SPRED2: variants seen among roughly 807,000 people sequenced by gnomAD.
SPRED2 encodes sprouty-related, EVH1 domain-containing protein 2.
In SPRED2, 47 loss-of-function variants were observed where a neutral mutation model predicts 43.0. That is an observed-to-expected ratio of 1.09 (90% CI 0.87 to 1.40). The LOEUF (loss-of-function observed/expected upper bound fraction) is 1.40, where lower values mean the gene tolerates loss of function less well. Ranked by LOEUF, SPRED2 falls within the 40% of genes most tolerant of loss-of-function variation. The probability of loss-of-function intolerance (pLI) is 0.00; values close to 1 mark genes in which losing one functional copy is unlikely to be tolerated. For synonymous variants in SPRED2, 225 were observed against 225.7 expected, an observed-to-expected ratio of 1.00 and a Z score of 0.03; for missense variants, 561 against 586.4, an observed-to-expected ratio of 0.96 and a Z score of 0.45.
At position 65,345,267 on chromosome 2, in the gene SPRED2, T is replaced by G. The variant is rs534272621; in HGVS notation, c.27-371A>C. Among the ~76,000 whole-genome samples the G allele has an allele frequency of 4.4e-4, 64 of 146,746 alleles. 2 individuals are homozygous for G. The South Asian group carries it at 0.012, about 28-fold the overall frequency. On this transcript the variant is annotated intron_variant, in intron 1 of 5. Coordinates refer to ENST00000356388, the MANE Select transcript of SPRED2 (RefSeq NM_181784.3). ...TTTGGTTTTTAGTTGTTGTTTTTTT[T>G]TTTTTTTTTTTTTGAGACGGAGTTT...
At chr2:65,367,988 A>T (rs988891479) in intron 1 of SPRED2, among the ~76,000 whole-genome samples, 1 of 152,148 alleles carries the variant, frequency 6.6e-6, no homozygotes, top group Non-Finnish European at 1.5e-5. Flanking sequence ...TGGAAGCTCC[A>T]ATGTATGTGA....
chr2:65,401,306 A>G (rs959230452), intron 1 of SPRED2, among the ~76,000 whole-genome samples: 3 of 152,030 alleles, frequency 2.0e-5, no homozygotes, highest in African/African-American at 7.2e-5. Context: ...TTTGGGAGGA[A>G]GCAGAGATAT....
At chr2:65,372,799 G>A (rs963528800) in intron 1 of SPRED2, among the ~76,000 whole-genome samples, 3 of 152,158 alleles carry the variant, frequency 2.0e-5, no homozygotes, top group Admixed American at 6.5e-5. Context: ...ATCATTAACC[G>A]GACTAAGCAT....
intron 1 of SPRED2, among the ~76,000 whole-genome samples, chr2:65,388,776 T>C (rs1675564970): frequency 6.6e-6 from 1 of 152,030 alleles, no homozygotes; most frequent in Admixed American, 6.5e-5. Flanking sequence ...GTTTCCTAGG[T>C]ACCCAAAGCA....
intron 1 of SPRED2, among the ~76,000 whole-genome samples, chr2:65,400,567 G>A (rs1004871025): frequency 6.6e-6 from 1 of 152,152 alleles, no homozygotes; most frequent in Non-Finnish European, 1.5e-5. Context: ...GTCTTTAGTG[G>A]TGGCCCCATG....
chr2:65,360,089 CAAAAAAAAAACAAAAAAAAA>C (rs1674765647), intron 1 of SPRED2, among the ~76,000 whole-genome samples: 1 of 43,162 alleles, frequency 2.3e-5, no homozygotes, highest in Non-Finnish European at 6.2e-5. Context: ...CAAAAAAAAA[CAAAAAAAAAACAAAAAAAAA>C]AAAAACAAAG....
intron 1 of SPRED2, among the ~76,000 whole-genome samples, chr2:65,390,698 C>CT (rs1246779818): frequency 6.6e-6 from 1 of 152,178 alleles, no homozygotes; most frequent in Non-Finnish European, 1.5e-5. Context: ...ATTTAGAGCA[C>CT]TGTGGGCTAC....
At chr2:65,424,218 A>G (rs1282366102) in intron 1 of SPRED2, among the ~76,000 whole-genome samples, 1 of 152,100 alleles carries the variant, frequency 6.6e-6, no homozygotes, top group East Asian at 1.9e-4. Context: ...GTCTCACTCC[A>G]AAGTCCATGA....
At chr2:65,388,420 C>T (rs1256994797) in intron 1 of SPRED2, among the ~76,000 whole-genome samples, 3 of 152,144 alleles carry the variant, frequency 2.0e-5, no homozygotes, top group Non-Finnish European at 4.4e-5. Context: ...GTGCCTGGCT[C>T]CCAGCTAAAG....
chr2:65,317,479 C>CTCCA (rs960631325), intron 4 of SPRED2, among the ~76,000 whole-genome samples: 1 of 151,974 alleles, frequency 6.6e-6, no homozygotes, highest in African/African-American at 2.4e-5. Context: ...AGCCACTGTA[C>CTCCA]TCCAGCCTGG....
downstream of SPRED2, among the ~76,000 whole-genome samples, chr2:65,310,689 T>C (rs559604114): frequency 1.2e-4 from 18 of 152,176 alleles, no homozygotes; most frequent in African/African-American, 4.3e-4. Context: ...CTTGGGAATA[T>C]GACATAACCA....
chr2:65,389,901 G>A (rs1203126691), intron 1 of SPRED2, among the ~76,000 whole-genome samples: 1 of 152,174 alleles, frequency 6.6e-6, no homozygotes, highest in African/African-American at 2.4e-5. Context: ...AAGCAAGTTT[G>A]TTGAAGAAGT....
rs540134379 is a variant in SPRED2 at position 65,396,760 on chromosome 2, A to C, written c.26+35202T>G. Among the ~76,000 whole-genome samples the C allele has an allele frequency of 3.9e-5, 6 of 152,372 alleles. No individual in the cohort carries two copies. The East Asian group carries it at 9.6e-4, about 24-fold the overall frequency. ...CCAAGTGAAGCATGGCCGCCTCCCC[A>C]GAGCCAAGGGTGTTGCCATTTTAAA... On this transcript the variant is annotated intron_variant, in intron 1 of 5. Transcript: ENST00000356388.
chr2:65,356,212 T>G (rs1674640827), intron 1 of SPRED2, among the ~76,000 whole-genome samples: 1 of 152,176 alleles, frequency 6.6e-6, no homozygotes, highest in Non-Finnish European at 1.5e-5. Flanking sequence ...TGCCATGATA[T>G]TTGCAACCTA....
At chr2:65,321,220 G>GA (rs1484200189) in intron 4 of SPRED2, among the ~76,000 whole-genome samples, 1 of 152,140 alleles carries the variant, frequency 6.6e-6, no homozygotes, top group Admixed American at 6.5e-5. Context: ...CTCCTGCTGT[G>GA]GACACTGAGG....
At chr2:65,338,189 C>CG (rs70943647) in intron 2 of SPRED2, among the ~76,000 whole-genome samples, 70 of 113,262 alleles carry the variant, frequency 6.2e-4, no homozygotes, top group African/African-American at 1.4e-3. Context: ...CTCCCTCTCC[C>CG]TCTCCCGTCT....
chr2:65,328,624 C>T (rs1027978304), intron 4 of SPRED2, among the ~76,000 whole-genome samples: 5 of 152,172 alleles, frequency 3.3e-5, no homozygotes, highest in Non-Finnish European at 5.9e-5. Context: ...CCTTCCCCTC[C>T]CCTTGGGCCA....
At chr2:65,386,054 G>A (rs2103665517) in intron 1 of SPRED2, among the ~76,000 whole-genome samples, 1 of 152,310 alleles carries the variant, frequency 6.6e-6, no homozygotes, top group South Asian at 2.1e-4. Context: ...GGAAGCGGGG[G>A]CGGGAGGATC....
Position 65,313,622 on chromosome 2 carries a change from A to C in SPRED2, c.1136T>G (p.Met379Arg). The C allele has an allele frequency of 1.2e-6, 2 of 1,614,188 alleles. No homozygotes were observed. Among genetic ancestry groups the C allele is most frequent in the Non-Finnish European group, 1.7e-6 (2 of 1,180,014 alleles). ...CAGGAAAGACAAGGCAATAAGAGCCATCCACCGGAGGCAAAACTTCTCGTC... is the reference window on the plus strand; with the variant it reads ...CAGGAAAGACAAGGCAATAAGAGCCCTCCACCGGAGGCAAAACTTCTCGTC... ...TSDEKFCLRW[M>R]ALIALSFLAP... is the part of the protein sequence containing the mutation. Residue 379 changes from methionine (M) to arginine (R), a missense_variant, in exon 6 of 6, where the codon ATG becomes AGG. By Grantham distance (91) the Met-to-Arg change is moderately conservative. Coordinates refer to ENST00000356388, the MANE Select transcript of SPRED2 (RefSeq NM_181784.3).
Sources: allele counts gnomAD v4.1 joint callset (sites outside exome capture counted in the v4.1 genomes callset), GRCh38; gene constraint gnomAD v4.1.1; transcripts MANE v1.5; gene names NCBI Gene and HGNC (gene_info 2026-07-23, HGNC 2026-07-21).